Variants in PITPNM1 observed in about 807,000 individuals in gnomAD.
PITPNM1 encodes the protein membrane-associated phosphatidylinositol transfer protein 1.
A neutral mutation model predicts 133.3 loss-of-function variants in PITPNM1; 74 were observed. That is an observed-to-expected ratio of 0.56 (90% CI 0.46 to 0.67). PITPNM1 has a LOEUF of 0.67. Among genes scored for constraint, PITPNM1 ranks in the 30% least tolerant of loss-of-function variants. The probability of loss-of-function intolerance (pLI) is 0.00; values close to 1 mark genes in which losing one functional copy is unlikely to be tolerated. For synonymous variants in PITPNM1, 738 were observed against 741.4 expected (o/e 1.00, Z 0.08); for missense variants, 1,398 against 1,739.5 (o/e 0.80, Z 3.49).
chr11:67,493,585 T>A lies in PITPNM1; in HGVS notation c.3167A>T (p.Gln1056Leu). ...AGAVDVVRHWQDSGYLIVYVT... is the reference protein window; with the variant it reads ...AGAVDVVRHWLDSGYLIVYVT... ...ATACACGATCAGGTAGCCGGAGTCCTGCCAGTGCCTGTGGGGCGGGGGCAG... is the reference window on the plus strand; with the variant it reads ...ATACACGATCAGGTAGCCGGAGTCCAGCCAGTGCCTGTGGGGCGGGGGCAG... Residue 1056 changes from glutamine (Q) to leucine (L), a missense_variant, in exon 22 of 24, where the codon CAG (glutamine) becomes CTG (leucine). Around this residue, in one of 5 missense-constraint regions of PITPNM1, gnomAD observed 233 missense variants for 378.0 expected, o/e 0.62. Transcript: ENST00000356404. 6.5e-7 allele frequency: 1 copy of A among 1,549,426 alleles called. No individual in the cohort carries two copies. The highest frequency in any genetic ancestry group is 8.7e-7 in the Non-Finnish European group (1 of 1,145,412).
intron 2 of PITPNM1, among the ~76,000 whole-genome samples, chr11:67,503,499 C>T (rs1779013661): frequency 1.3e-5 from 2 of 152,210 alleles, no homozygotes; most frequent in African/African-American, 2.4e-5. Flanking sequence ...TCTATTGCTC[C>T]GGGGCTCAGA....
chr11:67,492,013 G>C lies in PITPNM1; in HGVS notation c.*20C>G. ...CTTGGGTGTGTCAATAAATAACCCA[G>C]GTCCAGGCTGGTGTGGGCCTCACTC... On this transcript the variant is annotated 3_prime_UTR_variant, in exon 24 of 24. Transcript: ENST00000356404. 2 of 1,607,958 alleles carry C rather than the reference G, an allele frequency of 1.2e-6. No homozygotes were observed. Among genetic ancestry groups the C allele is most frequent in the Non-Finnish European group, 1.7e-6 (2 of 1,176,950 alleles).
Position 67,495,466 on chromosome 11 carries a change from G to A in PITPNM1, c.2454C>T (p.Ala818=). The A allele has an allele frequency of 7.1e-6, 11 of 1,545,390 alleles. No homozygotes were observed. Among genetic ancestry groups the A allele is most frequent in the Non-Finnish European group, 9.6e-6 (11 of 1,145,716 alleles). The change falls in exon 16 of 24, where the codon GCC becomes GCT. Residue 818 remains alanine (A), a synonymous_variant. Coordinates refer to ENST00000356404, the MANE Select transcript of PITPNM1 (RefSeq NM_004910.3). ...LATDPPAQPA[A]PSTTSEVVKI... ...TAACCACCTCACTGGTGGTGCTGGG[G>A]GCGGCTGGCTGGGCCGGGGGGTCAG...
In PITPNM1 at chr11:67,494,913, G is replaced by C. The variant is rs1866064505; in HGVS notation, c.2675C>G (p.Pro892Arg). Residue 892 changes from proline (P) to arginine (R), a missense_variant, in exon 18 of 24, where the codon CCG (proline) becomes CGG (arginine). Transcript: ENST00000356404. ...ERPQLAECEE[P>R]SIYSPAFPRE... ...GGGGAAGGCCGGGCTGTAGATGGAC[G>C]GCTCCTCGCATTCCGCCAGCTGTGG... 3 of 1,612,868 alleles carry C rather than the reference G, an allele frequency of 1.9e-6. No individual in the cohort carries two copies. Among genetic ancestry groups the C allele is most frequent in the African/African-American group, 1.3e-5 (1 of 74,868 alleles).
In PITPNM1 at chr11:67,497,658, C is replaced by G. The variant is rs1454938425; in HGVS notation, c.1804G>C (p.Glu602Gln). Residue 602 changes from glutamate to glutamine, a missense_variant, in exon 13 of 24, where the codon GAG becomes CAG. Glu to Gln is a conservative substitution (Grantham distance 29, BLOSUM62 2). Coordinates refer to ENST00000356404, the MANE Select transcript of PITPNM1 (RefSeq NM_004910.3). ...AGGGGGTCCCGCACTGGGCCAAACT[C>G]CGGAGAGAGCAGCTCATTGTTCTGG... Reference protein sequence around the residue: ...GSMNNELLSPEFGPVRDPLAD... With the variant: ...GSMNNELLSPQFGPVRDPLAD... The G allele has an allele frequency of 6.2e-7, 1 of 1,611,030 alleles. No individual in the cohort carries two copies. The highest frequency in any genetic ancestry group is 2.2e-5 in the East Asian group (1 of 44,872).
chr11:67,498,274 G>A lies in PITPNM1; in HGVS notation c.1533C>T (p.Asp511=). Residue 511 remains aspartate (D), a synonymous_variant, in exon 11 of 24, where the codon GAC becomes GAT. Coordinates refer to ENST00000356404, the MANE Select transcript of PITPNM1 (RefSeq NM_004910.3). The surrounding 1 kb of genome is among the most constrained non-coding windows in gnomAD (Gnocchi z 5.7). ...HDGDSLSRSQ[D]HIPLAALPLL... is the part of the protein sequence containing the mutation. ...GTGGCAGGGCAGCCAGTGGAATGTG[G>A]TCTTGGGAGCGAGACAGGCTGTCCC... 6.2e-7 allele frequency: 1 copy of A among 1,609,302 alleles called. No homozygotes were observed. Among genetic ancestry groups the A allele is most frequent in the Non-Finnish European group, 8.5e-7 (1 of 1,177,802 alleles).
Position 67,504,311 on chromosome 11 carries a change from A to C in PITPNM1, c.-41-90T>G. The C allele has an allele frequency of 2.4e-6, 1 of 416,516 alleles. No homozygotes were observed. The highest frequency in any genetic ancestry group is 3.9e-6 in the Non-Finnish European group (1 of 256,400). The allele number at this position is 416,516 out of a possible 1,614,324, so 25.8% of individuals were successfully genotyped here. On this transcript the variant is annotated intron_variant, in intron 1 of 23. Coordinates refer to ENST00000356404, the MANE Select transcript of PITPNM1 (RefSeq NM_004910.3). This position sits in a 1 kb window ranked among gnomAD's most constrained non-coding sequence, Gnocchi z 5.4. Reference sequence around the variant, plus strand: ...CCGGCCGAGGGACTCAGGCCACGGGACCCCATGTCCGGGCCCGCCACGAGG... The same window carrying C: ...CCGGCCGAGGGACTCAGGCCACGGGCCCCCATGTCCGGGCCCGCCACGAGG...
Position 67,500,267 on chromosome 11 carries a change from C to T in PITPNM1, c.795G>A (p.Gly265=), listed in dbSNP as rs762100201. Residue 265 remains glycine, a synonymous_variant, in exon 6 of 24, where the codon GGG becomes GGA. Coordinates refer to ENST00000356404, the MANE Select transcript of PITPNM1 (RefSeq NM_004910.3). ...RMAKCNTGSE[G]SEAQPPGKPS... is the part of the protein sequence containing the mutation. ...GTTTCCCGGGGGGCTGGGCCTCGGA[C>T]CCCTCACTGCCTGTGTTGCACTTGG... The T allele has an allele frequency of 2.5e-5, 40 of 1,608,520 alleles. No homozygotes were observed. In the South Asian group the frequency reaches 3.7e-4, roughly 15 times the overall value.
intron 16 of PITPNM1, 61 bp from the exon 17 acceptor site, chr11:67,495,286 C>T: frequency 1.3e-6 from 2 of 1,513,610 alleles, no homozygotes; most frequent in East Asian, 2.4e-5. Context: ...TGCCTGGGCG[C>T]TGGGTGCTCT....
At chr11:67,496,096 A>G (rs1591056499) in intron 15 of PITPNM1, 82 bp downstream of exon 15, 1 of 1,287,370 alleles carries the variant, frequency 7.8e-7, no homozygotes. Context: ...ATCGTCTGGG[A>G]GCCTCCTCAT....
rs1866004421 is a variant in PITPNM1 at position 67,493,497 on chromosome 11, G to A, written c.3255C>T (p.Phe1085=). The A allele has an allele frequency of 6.2e-7, 1 of 1,600,986 alleles. No individual in the cohort carries two copies. The part of the protein sequence containing the change: ...RVVAWLSQHN[F]PHGVVSFCDG... The stretch of plus-strand genomic sequence containing the variant: ...CGCAGAAGGAGACGACGCCGTGGGG[G>A]AAGTTGTGCTGCGACAGCCATGCCA... Residue 1085 remains phenylalanine (F), a synonymous_variant, in exon 22 of 24, where the codon TTC becomes TTT. Coordinates refer to ENST00000356404, the MANE Select transcript of PITPNM1 (RefSeq NM_004910.3).
rs1221638532 is a variant in PITPNM1, at chr11:67,497,841, G to A, written c.1782+76C>T. 6.7e-6 allele frequency: 10 copies of A among 1,482,416 alleles called. No homozygotes were observed. In the East Asian group the frequency reaches 2.3e-4, roughly 34 times the overall value. 91.8% of individuals were successfully genotyped at this position (1,482,416 alleles called of 1,614,324 possible). On this transcript the variant is annotated intron_variant, in intron 12 of 23. Transcript: ENST00000356404. ...GGGCCTGCCTGCTGGCAGAGGGGTGGCATTCCAGGGGGCAGAGACCTAGAG... is the reference window on the plus strand; with the variant it reads ...GGGCCTGCCTGCTGGCAGAGGGGTGACATTCCAGGGGGCAGAGACCTAGAG...
Position 67,501,986 on chromosome 11 carries a change from C to T in PITPNM1, c.516G>A (p.Leu172=). Residue 172 remains leucine, a synonymous_variant, in exon 5 of 24, where the codon CTG becomes CTA. Coordinates refer to ENST00000356404, the MANE Select transcript of PITPNM1 (RefSeq NM_004910.3). ...YHSVKTGRGP[L]SDDWARTAAQ... Reference sequence around the variant, plus strand: ...CCGCCGTCCGTGCCCAGTCATCAGACAGTGGCCCTCGGCCCGTCTTGACCG... The same window carrying T: ...CCGCCGTCCGTGCCCAGTCATCAGATAGTGGCCCTCGGCCCGTCTTGACCG... The T allele has an allele frequency of 1.9e-6, 3 of 1,613,554 alleles. No homozygotes were observed. The highest frequency in any genetic ancestry group is 2.5e-6 in the Non-Finnish European group (3 of 1,180,024).
chr11:67,503,065 A>G (rs989517706), intron 2 of PITPNM1, among the ~76,000 whole-genome samples: 2 of 152,242 alleles, frequency 1.3e-5, no homozygotes, highest in Admixed American at 6.5e-5. Flanking sequence ...GAGACAGACA[A>G]AAGGAAAAAG....
At position 67,495,069 on chromosome 11, in the gene PITPNM1, A is replaced by G. The variant is rs551540505; in HGVS notation, c.2631+8T>C. Reference sequence around the variant, plus strand: ...TTCTCATCTCCCATTCCATATTCCCAGGCCCACCTGGCGCAGGATGAACGC... The same window carrying G: ...TTCTCATCTCCCATTCCATATTCCCGGGCCCACCTGGCGCAGGATGAACGC... On this transcript the variant is annotated splice_region_variant and intron_variant, in intron 17 of 23. Transcript: ENST00000356404. 7.7e-5 allele frequency: 124 copies of G among 1,611,382 alleles called. 1 individual carries two copies. The South Asian group carries it at 1.3e-3, about 17-fold the overall frequency.
rs1866013897 is a variant in PITPNM1 at position 67,493,795 on chromosome 11, G to A, written c.3051C>T (p.Ala1017=). 6.5e-7 allele frequency: 1 copy of A among 1,549,882 alleles called. No individual in the cohort carries two copies. The highest frequency in any genetic ancestry group is 8.7e-7 in the Non-Finnish European group (1 of 1,147,762). The part of the protein sequence containing the change: ...TYAECCLTVV[A]RGTEAVVFSI... ...TGAAGACCACAGCCTCCGTGCCGCG[G>A]GCCACCACAGTCAGGCAGCATTCGG... Residue 1017 remains alanine, a synonymous_variant, in exon 21 of 24, where the codon GCC becomes GCT. Transcript: ENST00000356404.
At position 67,504,083 on chromosome 11, in the gene PITPNM1, C is replaced by CCT. The variant is rs761462017; in HGVS notation, c.78+18_78+19dup. 2.5e-6 allele frequency: 4 copies of CCT among 1,576,578 alleles called. No homozygotes were observed. The African/African-American group carries it at 5.4e-5, about 21-fold the overall frequency. ...AGGGCTCCACCCCTTGCCCGGGTGC[C>CCT]CTCTCCCCGCCGCCCTCACCTGGAT... On this transcript the variant is annotated intron_variant, in intron 2 of 23. Coordinates refer to ENST00000356404, the MANE Select transcript of PITPNM1 (RefSeq NM_004910.3). This position sits in a 1 kb window ranked among gnomAD's most constrained non-coding sequence, Gnocchi z 5.4.
At position 67,495,622 on chromosome 11, in the gene PITPNM1, G is replaced by A. The variant is rs1389817347; in HGVS notation, c.2318-20C>T. ...TGTCGGCTGGGGGAAGGAGGGCAAGGTCAGCAGGGGCCGGCCAGGTGGCTC... is the reference window on the plus strand; with the variant it reads ...TGTCGGCTGGGGGAAGGAGGGCAAGATCAGCAGGGGCCGGCCAGGTGGCTC... On this transcript the variant is annotated intron_variant, in intron 15 of 23. Coordinates refer to ENST00000356404, the MANE Select transcript of PITPNM1 (RefSeq NM_004910.3). The A allele has an allele frequency of 6.5e-7, 1 of 1,546,682 alleles. No individual in the cohort carries two copies. Among genetic ancestry groups the A allele is most frequent in the South Asian group, 1.2e-5 (1 of 82,240 alleles).
chr11:67,503,458 C>T (rs1463214046), intron 2 of PITPNM1, among the ~76,000 whole-genome samples: 1 of 152,232 alleles, frequency 6.6e-6, no homozygotes, highest in East Asian at 1.9e-4. Context: ...CGCCACACCC[C>T]TCAGAGCTTG....
Sources: allele counts gnomAD v4.1 joint callset (sites outside exome capture counted in the v4.1 genomes callset), GRCh38; gene constraint gnomAD v4.1.1; regional missense constraint gnomAD v4.1.1; non-coding constraint Gnocchi (gnomAD v3.1); transcripts MANE v1.5; gene names NCBI Gene and HGNC (gene_info 2026-07-23, HGNC 2026-07-21).